The following TMEM272 variants were observed in gnomAD, a reference collection of about 807,000 sequenced individuals.
TMEM272 encodes long intergenic non-protein coding RNA 282.
TMEM272 carries 8 observed loss-of-function variants against 3.7 expected under a neutral mutation model. That is an observed-to-expected ratio of 2.17 (90% CI 1.27 to 3.91). The LOEUF is 3.91. TMEM272 is among the 30% of genes most tolerant of loss of function. The pLI is 0.00. For missense variants in TMEM272, 166 were observed against 91.5 expected, an observed-to-expected ratio of 1.81 and a Z score of -3.32; for synonymous variants, 63 against 39.8, an observed-to-expected ratio of 1.58 and a Z score of -2.20.
the TMEM272 span, among the ~76,000 whole-genome samples, chr13:51,898,123 C>G: frequency 6.6e-6 from 1 of 151,796 alleles, no homozygotes; most frequent in African/African-American, 2.4e-5. Context: ...CTGGCTGAGG[C>G]AGGAGAATCG....
chr13:51,833,002 G>A (rs1180647440), intron 2 of TMEM272, among the ~76,000 whole-genome samples: 1 of 152,188 alleles, frequency 6.6e-6, no homozygotes, highest in African/African-American at 2.4e-5. Flanking sequence ...GCCTGGAGGA[G>A]GAAAGAGTCC....
At chr13:51,881,954 T>C in the TMEM272 span, among the ~76,000 whole-genome samples, 3 of 152,194 alleles carry the variant, frequency 2.0e-5, no homozygotes, top group Non-Finnish European at 2.9e-5. Flanking sequence ...AAGGGTTGTG[T>C]GGTGTTTAAG....
At chr13:51,913,921 A>G in the TMEM272 span, among the ~76,000 whole-genome samples, 2 of 152,242 alleles carry the variant, frequency 1.3e-5, no homozygotes, top group African/African-American at 2.4e-5. Flanking sequence ...CCCGGCAGAA[A>G]GAGAATGCCA....
At chr13:51,886,455 A>G in the TMEM272 span, among the ~76,000 whole-genome samples, 1 of 152,200 alleles carries the variant, frequency 6.6e-6, no homozygotes, top group African/African-American at 2.4e-5. Context: ...AGATGAGAAA[A>G]GTAAGACACA....
the TMEM272 span, among the ~76,000 whole-genome samples, chr13:51,885,036 CCAGT>C: frequency 5.3e-5 from 8 of 152,116 alleles, no homozygotes; most frequent in Admixed American, 2.0e-4. Context: ...GATTTGTATG[CCAGT>C]CAAAGTCAGT....
chr13:51,898,198 C>A, the TMEM272 span, among the ~76,000 whole-genome samples: 3 of 149,590 alleles, frequency 2.0e-5, no homozygotes, highest in African/African-American at 7.4e-5. Flanking sequence ...AGTCTGGTAA[C>A]AGAGCGAGAC....
the TMEM272 span, among the ~76,000 whole-genome samples, chr13:51,923,793 C>T: frequency 1.3e-5 from 2 of 152,112 alleles, no homozygotes; most frequent in African/African-American, 4.8e-5. Context: ...ATCCCCCAAG[C>T]CCAATTAGCC....
At chr13:51,920,123 T>A in the TMEM272 span, among the ~76,000 whole-genome samples, 3 of 152,160 alleles carry the variant, frequency 2.0e-5, no homozygotes, top group African/African-American at 7.2e-5. Flanking sequence ...CCAAAGAACA[T>A]ACTCTCAGCA....
the TMEM272 span, among the ~76,000 whole-genome samples, chr13:51,867,217 C>T: frequency 6.6e-6 from 1 of 152,174 alleles, no homozygotes; most frequent in Non-Finnish European, 1.5e-5. Context: ...GTGACCTTCA[C>T]CACAGCTCTG....
At chr13:51,888,036 T>C in the TMEM272 span, among the ~76,000 whole-genome samples, 4 of 126,430 alleles carry the variant, frequency 3.2e-5, no homozygotes, top group Non-Finnish European at 6.6e-5. Context: ...GTAATTTCAC[T>C]TGACACAATC....
At chr13:51,891,085 A>G in the TMEM272 span, among the ~76,000 whole-genome samples, 1 of 152,180 alleles carries the variant, frequency 6.6e-6, no homozygotes, top group Non-Finnish European at 1.5e-5. Context: ...AGACACAAAC[A>G]TAAGAAATGG....
At chr13:51,883,378 G>A in the TMEM272 span, among the ~76,000 whole-genome samples, 2 of 152,156 alleles carry the variant, frequency 1.3e-5, no homozygotes, top group East Asian at 1.9e-4. Flanking sequence ...CGTGAGCATC[G>A]AAGAGTGAGC....
chr13:51,826,569 T>C lies in TMEM272; in HGVS notation c.115A>G (p.Ile39Val). 2.8e-6 allele frequency: 2 copies of C among 702,470 alleles called. No homozygotes were observed. The highest frequency in any genetic ancestry group is 5.4e-5 in the East Asian group (2 of 37,284). The allele number at this position is 702,470 out of a possible 1,614,324, so 43.5% of individuals were successfully genotyped here. A position where few individuals can be genotyped will look rare whatever the true frequency, so the allele number is the denominator to read the frequency against. Residue 39 changes from isoleucine to valine, a missense_variant, in exon 3 of 5, where the codon ATA becomes GTA. Physicochemically the swap from Ile to Val is conservative, Grantham distance 29. Transcript: ENST00000629372. ...AGCAGCTCGGAAGGCAGCTTACCTATGAAGGTCATGGACAGCGGCAGAGCC... is the reference window on the plus strand; with the variant it reads ...AGCAGCTCGGAAGGCAGCTTACCTACGAAGGTCATGGACAGCGGCAGAGCC... ...FLALPLSMTF[I>V]GMKFLEDCPI...
At chr13:51,831,436 T>C (rs1217921426) in intron 2 of TMEM272, among the ~76,000 whole-genome samples, 1 of 151,956 alleles carries the variant, frequency 6.6e-6, no homozygotes, top group Non-Finnish European at 1.5e-5. Context: ...TAAAATAAAA[T>C]AAAAGCAACT....
At chr13:51,872,509 C>T in the TMEM272 span, among the ~76,000 whole-genome samples, 1 of 151,978 alleles carries the variant, frequency 6.6e-6, no homozygotes, top group South Asian at 2.1e-4. Flanking sequence ...AAAAATCATC[C>T]AAGACTATGT....
chr13:51,833,603 C>G (rs1956191167), intron 2 of TMEM272, among the ~76,000 whole-genome samples: 2 of 151,992 alleles, frequency 1.3e-5, no homozygotes, highest in Admixed American at 6.6e-5. Flanking sequence ...GGTGGAGGCA[C>G]TGACGGAAAT....
chr13:51,825,424 C>CAAATGG (rs1956116037), intron 3 of TMEM272, among the ~76,000 whole-genome samples: 1 of 152,120 alleles, frequency 6.6e-6, no homozygotes, highest in African/African-American at 2.4e-5. Flanking sequence ...AGTGGATTCA[C>CAAATGG]AGTGTTGTGC....
chr13:51,844,086 T>C (rs999244275), intron 1 of TMEM272, among the ~76,000 whole-genome samples: 3 of 152,036 alleles, frequency 2.0e-5, no homozygotes, highest in Admixed American at 6.5e-5. Context: ...AAAATGTCAA[T>C]AGGACTAGGT....
the TMEM272 span, among the ~76,000 whole-genome samples, chr13:51,860,483 C>CA: frequency 2.0e-5 from 3 of 151,514 alleles, no homozygotes; most frequent in African/African-American, 2.4e-5. Context: ...TAAAAAAACA[C>CA]AAAAAATTAG....
Sources: allele counts gnomAD v4.1 joint callset (sites outside exome capture counted in the v4.1 genomes callset), GRCh38; gene constraint gnomAD v4.1.1; transcripts MANE v1.5; gene names NCBI Gene and HGNC (gene_info 2026-07-23, HGNC 2026-07-21).